Variants in RUBCNL observed in about 807,000 individuals in gnomAD.
The protein encoded by RUBCNL is protein associated with UVRAG as autophagy enhancer.
In RUBCNL, 62 loss-of-function variants were observed where a neutral mutation model predicts 69.5. That is an observed-to-expected ratio of 0.89 (90% CI 0.73 to 1.10). The LOEUF is 1.10. RUBCNL is among the 50% of genes least tolerant of loss of function. The probability of loss-of-function intolerance (pLI) is 0.00; values close to 1 mark genes in which losing one functional copy is unlikely to be tolerated. For missense variants in RUBCNL, 768 were observed against 798.1 expected (o/e 0.96, Z 0.45); for synonymous variants, 291 against 303.6 (o/e 0.96, Z 0.43).
chr13:46,343,427 C>T lies in RUBCNL; in HGVS notation c.1947G>A (p.Ala649=), dbSNP rs368622127. The change falls in exon 15 of 15, where the codon GCG becomes GCA. Residue 649 remains alanine (A), a synonymous_variant. Coordinates refer to ENST00000429979, the MANE Select transcript of RUBCNL (RefSeq NM_025113.5). ...SECPRCARIT[A]RRKLLESVAS... ...CCACACTTTCCAGAAGTTTTCTCCT[C>T]GCTGTGATCCTCGCACACCGGGGGC... 5.0e-6 allele frequency: 8 copies of T among 1,613,800 alleles called. No homozygotes were observed. The highest frequency in any genetic ancestry group is 1.1e-5 in the South Asian group (1 of 91,052).
rs145681481 is a variant in RUBCNL, at chr13:46,337,204, G to A, written c.*6181C>T. On this transcript the variant is annotated 3_prime_UTR_variant, in exon 15 of 15. Transcript: ENST00000429979. The stretch of plus-strand genomic sequence containing the variant: ...TGTTGTCAGGCTGGAGTACAGTGGC[G>A]TGATCTCAGCTCACCGCAACCTTCA... Among the ~76,000 whole-genome samples, 489 of 152,166 alleles carry A rather than the reference G, an allele frequency of 3.2e-3. 1 individual carries two copies. Among genetic ancestry groups the A allele is most frequent in the African/African-American group, 0.011 (472 of 41,486 alleles).
At chr13:46,351,055 G>C (rs2048358431) in intron 10 of RUBCNL, 1 of 152,272 alleles carries the variant, frequency 6.6e-6, no homozygotes. Flanking sequence ...TTGAGCCCAG[G>C]AGTTCAAGAC....
In RUBCNL at chr13:46,372,024, G is replaced by A. The variant is rs2048886514; in HGVS notation, c.452C>T (p.Pro151Leu). 1.2e-6 allele frequency: 2 copies of A among 1,614,012 alleles called. No homozygotes were observed. Among genetic ancestry groups the A allele is most frequent in the Non-Finnish European group, 1.7e-6 (2 of 1,179,896 alleles). The part of the protein sequence containing the change: ...YSHRVSLPTS[P>L]GILATSPYPE... ...ATATGGGGAGGTGGCCAAAATCCCA[G>A]GGCTTGTGGGCAGAGACACCCGATG... Residue 151 changes from proline (P) to leucine (L), a missense_variant, in exon 3 of 15, where the codon CCT becomes CTT. Transcript: ENST00000429979.
chr13:46,345,724 A>ATG, intron 12 of RUBCNL, 124 bp from the exon 13 acceptor site: 1 of 942,922 alleles, frequency 1.1e-6, no homozygotes, highest in South Asian at 1.9e-5. Context: ...TTAAAAAATA[A>ATG]ATAGCTCCAA....
intron 10 of RUBCNL, among the ~76,000 whole-genome samples, chr13:46,354,095 T>C (rs2048430540): frequency 6.6e-6 from 1 of 152,228 alleles, no homozygotes; most frequent in Admixed American, 6.5e-5. Context: ...AGAGAATTGT[T>C]TTTAATTTTT....
intron 9 of RUBCNL, 127 bp downstream of exon 9, chr13:46,359,359 C>A: frequency 1.3e-6 from 1 of 740,784 alleles, no homozygotes; most frequent in Non-Finnish European, 1.9e-6. Flanking sequence ...ACTTTCCTTT[C>A]CCTAAAACAA....
In RUBCNL at chr13:46,362,578, T is replaced by C. The variant is rs150013108; in HGVS notation, c.946A>G (p.Ile316Val). 1.2e-6 allele frequency: 2 copies of C among 1,609,142 alleles called. No individual in the cohort carries two copies. The highest frequency in any genetic ancestry group is 1.3e-5 in the African/African-American group (1 of 74,848). The stretch of plus-strand genomic sequence containing the variant: ...CAGGAACAGCTACAGGTTTCTGTGA[T>C]ATCATTAAAATCTCCAAGCTCTGTG... ...VILELGDFND[I>V]TETCSCSCSS... Residue 316 changes from isoleucine to valine, a missense_variant, in exon 7 of 15, where the codon ATC becomes GTC. Physicochemically the swap from Ile to Val is conservative, Grantham distance 29 (BLOSUM62 3). Coordinates refer to ENST00000429979, the MANE Select transcript of RUBCNL (RefSeq NM_025113.5).
In RUBCNL at chr13:46,343,362, C is replaced by T; in HGVS notation, c.*23G>A. 1 of 1,609,022 alleles carries T rather than the reference C, an allele frequency of 6.2e-7. No homozygotes were observed. The highest frequency in any genetic ancestry group is 8.5e-7 in the Non-Finnish European group (1 of 1,177,256). On this transcript the variant is annotated 3_prime_UTR_variant, in exon 15 of 15. Coordinates refer to ENST00000429979, the MANE Select transcript of RUBCNL (RefSeq NM_025113.5). ...GTTATCATAAGGCATGTTGAACAGT[C>T]TTTTTCACAGTACTCAGGGGCATCA... is the stretch of plus-strand genomic sequence containing the variant.
intron 9 of RUBCNL, among the ~76,000 whole-genome samples, chr13:46,357,152 C>T (rs1045486207): frequency 2.3e-4 from 35 of 151,018 alleles, no homozygotes; most frequent in African/African-American, 8.2e-4. Context: ...ACCATCCTGG[C>T]CAAACCCTGT....
intron 2 of RUBCNL, among the ~76,000 whole-genome samples, chr13:46,373,207 C>T (rs2048917172): frequency 6.6e-6 from 1 of 152,148 alleles, no homozygotes; most frequent in Non-Finnish European, 1.5e-5. Context: ...CTCCTGACCT[C>T]AGGTGATCCA....
rs1185529946 is a variant in RUBCNL at position 46,343,115 on chromosome 13, T to A, written c.*270A>T. 1 of 520,854 alleles carries A rather than the reference T, an allele frequency of 1.9e-6. No individual in the cohort carries two copies. The allele number at this position is 520,854 out of a possible 1,614,324, so 32.3% of individuals were successfully genotyped here. A position where few individuals can be genotyped will look rare whatever the true frequency, so the allele number is the denominator to read the frequency against. ...GCTCAGCATCAGTGAAACATAACTA[T>A]TCAAATACAAAAGTATAAAAAACCT... On this transcript the variant is annotated 3_prime_UTR_variant, in exon 15 of 15. Transcript: ENST00000429979.
chr13:46,355,294 CTTTT>C (rs34432929), intron 10 of RUBCNL, among the ~76,000 whole-genome samples: 3 of 126,476 alleles, frequency 2.4e-5, no homozygotes, highest in Non-Finnish European at 3.3e-5. Context: ...AAAGCCCGAG[CTTTT>C]TTTTTTTTTT....
chr13:46,378,286 A>T (rs2049042162), intron 1 of RUBCNL, among the ~76,000 whole-genome samples: 2 of 152,204 alleles, frequency 1.3e-5, no homozygotes, highest in Non-Finnish European at 2.9e-5. Context: ...AAGGATTGAT[A>T]AGCAGAGATA....
chr13:46,338,559 C>G lies in RUBCNL; in HGVS notation c.*4826G>C, dbSNP rs2048119192. Among the ~76,000 whole-genome samples the G allele has an allele frequency of 6.6e-6, 1 of 152,092 alleles. No homozygotes were observed. Reference sequence around the variant, plus strand: ...GGGGTGGGGGCTTTGGGTGCGCTTGCCCTTTGTCTCCTCACCAATGGGGAT... The same window carrying G: ...GGGGTGGGGGCTTTGGGTGCGCTTGGCCTTTGTCTCCTCACCAATGGGGAT... On this transcript the variant is annotated 3_prime_UTR_variant, in exon 15 of 15. Coordinates refer to ENST00000429979, the MANE Select transcript of RUBCNL (RefSeq NM_025113.5).
In RUBCNL at chr13:46,343,476, TTG is replaced by T. The variant is rs778820906; in HGVS notation, c.1896_1897del (p.His632GlnfsTer46). 33 of 1,613,828 alleles carry T rather than the reference TTG, an allele frequency of 2.0e-5. No homozygotes were observed. The highest frequency in any genetic ancestry group is 2.7e-5 in the Non-Finnish European group (32 of 1,179,882). The stretch of plus-strand genomic sequence containing the variant: ...GCACTCGGAGGACTGGAAGCACTGT[TTG>T]TGAAAGCAAGCCCTGCACGCTGCAA... On this transcript the variant is annotated frameshift_variant, in exon 15 of 15. Transcript: ENST00000429979. LOFTEE classifies it low-confidence loss of function (END_TRUNC).
upstream of RUBCNL, chr13:46,387,613 A>C: frequency 1.0e-6 from 1 of 985,420 alleles, no homozygotes; most frequent in Non-Finnish European, 1.2e-6. Context: ...GCAGTCATAC[A>C]ATTGCCTGAA....
rs139448166 is a variant in RUBCNL at position 46,340,336 on chromosome 13, A to C, written c.*3049T>G. Among the ~76,000 whole-genome samples, 2 of 152,224 alleles carry C rather than the reference A, an allele frequency of 1.3e-5. No individual in the cohort carries two copies. Among genetic ancestry groups the C allele is most frequent in the Admixed American group, 1.3e-4 (2 of 15,282 alleles). ...TATTACAGATTATAAACTGAGACCCAGGGAGTAACTTACCCAGAGATACAG... is the reference window on the plus strand; with the variant it reads ...TATTACAGATTATAAACTGAGACCCCGGGAGTAACTTACCCAGAGATACAG... On this transcript the variant is annotated 3_prime_UTR_variant, in exon 15 of 15. Coordinates refer to ENST00000429979, the MANE Select transcript of RUBCNL (RefSeq NM_025113.5).
At chr13:46,367,331 C>T (rs867402665) in intron 5 of RUBCNL, among the ~76,000 whole-genome samples, 2 of 152,232 alleles carry the variant, frequency 1.3e-5, no homozygotes, top group Non-Finnish European at 2.9e-5. Context: ...TAGCACAGCA[C>T]AGGCCCATTA....
chr13:46,381,718 G>A (rs1246392366), intron 1 of RUBCNL, among the ~76,000 whole-genome samples: 1 of 152,184 alleles, frequency 6.6e-6, no homozygotes, highest in Admixed American at 6.5e-5. Context: ...GAGTAGCTGG[G>A]ATTACAGGCA....
Sources: allele counts gnomAD v4.1 joint callset (sites outside exome capture counted in the v4.1 genomes callset), GRCh38; gene constraint gnomAD v4.1.1; transcripts MANE v1.5; gene names NCBI Gene and HGNC (gene_info 2026-07-23, HGNC 2026-07-21).